Variants in LPCAT4 observed in about 807,000 individuals in gnomAD.
The protein encoded by LPCAT4 is lysophosphatidylcholine acyltransferase 4.
In LPCAT4, 30 loss-of-function variants were observed where a neutral mutation model predicts 66.5. That is an observed-to-expected ratio of 0.45 (90% CI 0.34 to 0.61). The LOEUF is 0.61. LPCAT4 is among the 20% of genes least tolerant of loss of function. The pLI is 0.01. For missense variants in LPCAT4, 557 were observed against 656.7 expected (o/e 0.85, Z 1.66); for synonymous variants, 253 against 262.1 (o/e 0.97, Z 0.34).
chr15:34,363,963 T>G lies in LPCAT4; in HGVS notation c.652+50A>C. ...GGTTATTTCAGAGTCCCTCCCCAAA[T>G]CTGGAACTTCTTTTTCCTACAGCCC... On this transcript the variant is annotated intron_variant, in intron 5 of 13. Transcript: ENST00000314891. The surrounding 1 kb of genome is among the most constrained non-coding windows in gnomAD (Gnocchi z 4.3). The G allele has an allele frequency of 6.4e-7, 1 of 1,572,926 alleles. No homozygotes were observed. Among genetic ancestry groups the G allele is most frequent in the Non-Finnish European group, 8.7e-7 (1 of 1,145,768 alleles).
chr15:34,363,915 C>T lies in LPCAT4; in HGVS notation c.652+98G>A. On this transcript the variant is annotated intron_variant, in intron 5 of 13. Coordinates refer to ENST00000314891, the MANE Select transcript of LPCAT4 (RefSeq NM_153613.3). This position sits in a 1 kb window ranked among gnomAD's most constrained non-coding sequence, Gnocchi z 4.3. Reference sequence around the variant, plus strand: ...TTCCTGGTCTCCCTTCCTCTCCCATCCCTCCCCCTCTTCTACTTCTTGGGT... The same window carrying T: ...TTCCTGGTCTCCCTTCCTCTCCCATTCCTCCCCCTCTTCTACTTCTTGGGT... The T allele has an allele frequency of 2.2e-6, 3 of 1,384,840 alleles. No individual in the cohort carries two copies. The highest frequency in any genetic ancestry group is 3.1e-6 in the Non-Finnish European group (3 of 983,092). 85.8% of individuals were successfully genotyped at this position (1,384,840 alleles called of 1,614,324 possible). A position where few individuals can be genotyped will look rare whatever the true frequency, so the allele number is the denominator to read the frequency against.
Position 34,367,110 on chromosome 15 carries a change from A to C in LPCAT4, c.-10T>G. The stretch of plus-strand genomic sequence containing the variant: ...GACTTCCCTGGCTCATGGCGGGAGA[A>C]GGTGGGAGGGAGGGCACCCCGGCCC... On this transcript the variant is annotated 5_prime_UTR_variant, in exon 1 of 14. Transcript: ENST00000314891. 1 of 1,536,028 alleles carries C rather than the reference A, an allele frequency of 6.5e-7. No individual in the cohort carries two copies. The highest frequency in any genetic ancestry group is 1.4e-5 in the African/African-American group (1 of 72,828).
chr15:34,363,997 CT>C lies in LPCAT4; in HGVS notation c.652+15del, dbSNP rs1184338391. On this transcript the variant is annotated intron_variant, in intron 5 of 13. Coordinates refer to ENST00000314891, the MANE Select transcript of LPCAT4 (RefSeq NM_153613.3). This position sits in a 1 kb window ranked among gnomAD's most constrained non-coding sequence, Gnocchi z 4.3. Reference sequence around the variant, plus strand: ...TCTTTTTCCTACAGCCCACCACCCACTATCATTTTATTCACCTGGTTTGAAC... The same window carrying C: ...TCTTTTTCCTACAGCCCACCACCCACATCATTTTATTCACCTGGTTTGAAC... The C allele has an allele frequency of 1.2e-6, 2 of 1,608,902 alleles. No homozygotes were observed. Among genetic ancestry groups the C allele is most frequent in the Non-Finnish European group, 1.7e-6 (2 of 1,175,676 alleles).
chr15:34,365,726 AC>A, intron 1 of LPCAT4, 25 bp from the exon 2 acceptor site: 1 of 1,612,004 alleles, frequency 6.2e-7, no homozygotes, highest in East Asian at 2.2e-5. Context: ...AGAGAATGCC[AC>A]TTTAGAGCTT....
At chr15:34,364,820 C>T (rs775302339) in intron 3 of LPCAT4, 188 bp downstream of exon 3, 1 of 594,844 alleles carries the variant, frequency 1.7e-6, no homozygotes. Context: ...CCAGAACTCC[C>T]TCCAACACCT....
Position 34,361,425 on chromosome 15 carries a change from G to A in LPCAT4, c.1118C>T (p.Ala373Val). 6.2e-7 allele frequency: 1 copy of A among 1,614,202 alleles called. No homozygotes were observed. Among genetic ancestry groups the A allele is most frequent in the Non-Finnish European group, 8.5e-7 (1 of 1,180,040 alleles). The change falls in exon 11 of 14, where the codon GCT (alanine) becomes GTT (valine). Residue 373 changes from alanine (A) to valine (V), a missense_variant. Physicochemically the swap from Ala to Val is moderately conservative, Grantham distance 64. Around this residue, in one of 4 missense-constraint regions of LPCAT4, gnomAD observed 392 missense variants for 473.9 expected, o/e 0.83. Coordinates refer to ENST00000314891, the MANE Select transcript of LPCAT4 (RefSeq NM_153613.3). Reference protein sequence around the residue: ...QLQLSDPQTVAGAFGYFQQDT... With the variant: ...QLQLSDPQTVVGAFGYFQQDT... ...CTGCTGGAAGTAGCCAAAGGCACCA[G>A]CCACCGTCTGAGGATCAGAGAGCTG...
rs1352727903 is a variant in LPCAT4, at chr15:34,363,251, C to A, written c.746+171G>T. Among the ~76,000 whole-genome samples, 1 of 152,156 alleles carries A rather than the reference C, an allele frequency of 6.6e-6. No individual in the cohort carries two copies. The highest frequency in any genetic ancestry group is 1.5e-5 in the Non-Finnish European group (1 of 68,024). The stretch of plus-strand genomic sequence containing the variant: ...GTTTAGGTGGGATAGCTAATCTAAG[C>A]ACAGCCAGATTATATGGGGACATCA... On this transcript the variant is annotated intron_variant, in intron 7 of 13. Coordinates refer to ENST00000314891, the MANE Select transcript of LPCAT4 (RefSeq NM_153613.3). This position sits in a 1 kb window ranked among gnomAD's most constrained non-coding sequence, Gnocchi z 4.3.
At chr15:34,361,174 A>T in intron 11 of LPCAT4, 1 of 1,382,194 alleles carries the variant, frequency 7.2e-7, no homozygotes, top group Non-Finnish European at 9.4e-7. Flanking sequence ...CTTACTGATT[A>T]TTTCTCCCTT....
intron 10 of LPCAT4, among the ~76,000 whole-genome samples, chr15:34,361,945 C>T (rs1288760856): frequency 4.6e-5 from 7 of 152,158 alleles, no homozygotes; most frequent in East Asian, 3.9e-4. Context: ...GTGATCCACC[C>T]GCCTTGGCCT....
intron 3 of LPCAT4, 39 bp downstream of exon 3, chr15:34,364,969 G>A (rs763252016): frequency 1.9e-6 from 3 of 1,551,164 alleles, no homozygotes; most frequent in Non-Finnish European, 1.8e-6. Context: ...TTTGCCCAGA[G>A]TTGTCACCCT....
At position 34,363,220 on chromosome 15, in the gene LPCAT4, G is replaced by A. The variant is rs1890991309; in HGVS notation, c.746+202C>T. 6.6e-6 allele frequency among the ~76,000 whole-genome samples: 1 copy of A among 152,198 alleles called. No individual in the cohort carries two copies. Among genetic ancestry groups the A allele is most frequent in the Non-Finnish European group, 1.5e-5 (1 of 68,040 alleles). ...ATGCATAGCAGCCATAATCACAGCA[G>A]GAACAGTTTAGGTGGGATAGCTAAT... On this transcript the variant is annotated intron_variant, in intron 7 of 13. Transcript: ENST00000314891. The surrounding 1 kb of genome is among the most constrained non-coding windows in gnomAD (Gnocchi z 4.3).
At chr15:34,360,030 A>G in intron 12 of LPCAT4, 81 bp downstream of exon 12, 2 of 1,191,168 alleles carry the variant, frequency 1.7e-6, no homozygotes, top group Non-Finnish European at 2.4e-6. Flanking sequence ...AAGCTACTGG[A>G]AACAGCATAC....
In LPCAT4 at chr15:34,367,056, G is replaced by T; in HGVS notation, c.45C>A (p.Thr15=). The T allele has an allele frequency of 6.4e-7, 1 of 1,559,168 alleles. No individual in the cohort carries two copies. The highest frequency in any genetic ancestry group is 8.7e-7 in the Non-Finnish European group (1 of 1,151,258). ...SPGDWAPLDP[T]PGPPASPNPF... is the part of the protein sequence containing the mutation. Reference sequence around the variant, plus strand: ...GGTTGGGGGATGCTGGGGGTCCGGGGGTGGGATCTAGGGGGGCCCAGTCCC... The same window carrying T: ...GGTTGGGGGATGCTGGGGGTCCGGGTGTGGGATCTAGGGGGGCCCAGTCCC... Residue 15 remains threonine (T), a synonymous_variant, in exon 1 of 14, where the codon ACC becomes ACA. Coordinates refer to ENST00000314891, the MANE Select transcript of LPCAT4 (RefSeq NM_153613.3).
chr15:34,365,435 C>T (rs2045543372), intron 2 of LPCAT4, 124 bp downstream of exon 2: 3 of 1,375,790 alleles, frequency 2.2e-6, no homozygotes, highest in Non-Finnish European at 2.0e-6. Flanking sequence ...TTGGCTGACT[C>T]ATCTCATCTA....
At chr15:34,365,733 A>C (rs760254677) in intron 1 of LPCAT4, 32 bp from the exon 2 acceptor site, 10 of 1,610,982 alleles carry the variant, frequency 6.2e-6, no homozygotes. Flanking sequence ...GCCACTTTAG[A>C]GCTTGGATAT....
chr15:34,359,095 C>T lies in LPCAT4; in HGVS notation c.*32G>A. On this transcript the variant is annotated 3_prime_UTR_variant, in exon 14 of 14. Coordinates refer to ENST00000314891, the MANE Select transcript of LPCAT4 (RefSeq NM_153613.3). ...GCATAGGGGAGGCCCCTAGCGCTGC[C>T]CTGAGGAGGAGGGGGTGAGAGGCTG... The T allele has an allele frequency of 6.3e-7, 1 of 1,581,686 alleles. No homozygotes were observed. Among genetic ancestry groups the T allele is most frequent in the Non-Finnish European group, 8.6e-7 (1 of 1,163,426 alleles).
chr15:34,361,255 G>A (rs1038418812), intron 11 of LPCAT4, 145 bp downstream of exon 11: 17 of 1,501,462 alleles, frequency 1.1e-5, no homozygotes, highest in Non-Finnish European at 1.5e-5. Context: ...ATCTTCAGTG[G>A]ATCTCAGGGG....
At chr15:34,366,813 A>T in intron 1 of LPCAT4, 174 bp downstream of exon 1, 1 of 842,108 alleles carries the variant, frequency 1.2e-6, no homozygotes, top group Non-Finnish European at 1.9e-6. Context: ...CGTCCTCTCC[A>T]GGACTCCTTG....
In LPCAT4 at chr15:34,363,707, G is replaced by A. The variant is rs1300704712; in HGVS notation, c.665C>T (p.Ala222Val). Residue 222 changes from alanine to valine, a missense_variant, in exon 6 of 14, where the codon GCA becomes GTA. Transcript: ENST00000314891. The surrounding 1 kb of genome is among the most constrained non-coding windows in gnomAD (Gnocchi z 4.3). ...LLKFKPGAFI[A>V]GVPVQPVLIR... is the part of the protein sequence containing the mutation. ...GAGGACAGGCTGCACAGGCACCCCT[G>A]CGATGAAGGCTCCTAAATCCCATTT... is the stretch of plus-strand genomic sequence containing the variant. 3.7e-6 allele frequency: 6 copies of A among 1,614,112 alleles called. No homozygotes were observed. The highest frequency in any genetic ancestry group is 2.5e-6 in the Non-Finnish European group (3 of 1,180,032).
Sources: gnomAD v4.1 joint callset for allele counts (sites outside exome capture counted in the v4.1 genomes callset) on GRCh38, gnomAD v4.1.1 for gene constraint, gnomAD v4.1.1 regional missense constraint, Gnocchi (gnomAD v3.1) non-coding constraint, MANE v1.5 for transcripts, NCBI Gene and HGNC (gene_info 2026-07-23, HGNC 2026-07-21) for gene names.